The following UBE2E2 variants were observed in gnomAD, a reference collection of about 807,000 sequenced individuals.
UBE2E2 encodes the protein ubiquitin conjugating enzyme E2 E2.
A neutral mutation model predicts 24.7 loss-of-function variants in UBE2E2; 6 were observed. That is an observed-to-expected ratio of 0.24 (90% CI 0.13 to 0.48). The LOEUF is 0.48. Among genes scored for constraint, UBE2E2 ranks in the 20% least tolerant of loss-of-function variants. The pLI is 0.99. For synonymous variants in UBE2E2, 104 were observed against 83.6 expected (o/e 1.24, Z -1.33); for missense variants, 169 against 245.0 (o/e 0.69, Z 2.07).
intron 3 of UBE2E2, chr3:23,449,869 C>G: frequency 1.0e-6 from 1 of 985,440 alleles, no homozygotes; most frequent in Middle Eastern, 5.2e-4. Context: ...AACCCCAGCC[C>G]TATAATGGGG....
intron 3 of UBE2E2, among the ~76,000 whole-genome samples, chr3:23,354,882 T>C (rs1695893666): frequency 6.6e-6 from 1 of 152,202 alleles, no homozygotes; most frequent in African/African-American, 2.4e-5. Context: ...TTACTGGGTA[T>C]ATACCCAAAG....
chr3:23,508,765 A>C (rs1379036433), intron 4 of UBE2E2, among the ~76,000 whole-genome samples: 1 of 152,220 alleles, frequency 6.6e-6, no homozygotes, highest in East Asian at 1.9e-4. Context: ...GTTGGTTGAT[A>C]TTACTGTCAG....
At chr3:23,495,384 C>T (rs185790408) in intron 3 of UBE2E2, among the ~76,000 whole-genome samples, 1 of 152,274 alleles carries the variant, frequency 6.6e-6, no homozygotes, top group East Asian at 1.9e-4. Flanking sequence ...TTGGTAGTGA[C>T]TCCTTATTTA....
chr3:23,358,021 A>T (rs1696011254), intron 3 of UBE2E2, among the ~76,000 whole-genome samples: 1 of 152,014 alleles, frequency 6.6e-6, no homozygotes, highest in Non-Finnish European at 1.5e-5. Flanking sequence ...TTTTTTATAG[A>T]GATGGAATTT....
rs186296935 is a variant in UBE2E2, at chr3:23,285,867, T to C, written c.227+68555T>C. On this transcript the variant is annotated intron_variant, in intron 3 of 5. Coordinates refer to ENST00000396703, the MANE Select transcript of UBE2E2 (RefSeq NM_152653.4). ...CCCACCACCACATCTAGCTAATTTA[T>C]GTTATTTTTTAGTCAAGAGGGGTTT... Among the ~76,000 whole-genome samples the C allele has an allele frequency of 6.2e-4, 94 of 152,270 alleles. 1 individual carries two copies. The highest frequency in any genetic ancestry group is 2.2e-3 in the African/African-American group (92 of 41,558).
intron 3 of UBE2E2, among the ~76,000 whole-genome samples, chr3:23,271,604 G>A: frequency 6.6e-6 from 1 of 152,166 alleles, no homozygotes; most frequent in East Asian, 1.9e-4. Flanking sequence ...TTTTGACAGG[G>A]TGTTGATTGG....
At chr3:23,436,648 G>C (rs967232155) in intron 3 of UBE2E2, among the ~76,000 whole-genome samples, 2 of 151,374 alleles carry the variant, frequency 1.3e-5, no homozygotes, top group Non-Finnish European at 1.5e-5. Context: ...GCAAGATGCT[G>C]TCCCAAAAAA....
chr3:23,461,577 A>G (rs1182726335), intron 3 of UBE2E2, among the ~76,000 whole-genome samples: 2 of 151,994 alleles, frequency 1.3e-5, no homozygotes, highest in Non-Finnish European at 2.9e-5. Context: ...TCTCCCAGCA[A>G]TTTTCTATTT....
chr3:23,260,958 C>CT (rs1697884188), intron 3 of UBE2E2, among the ~76,000 whole-genome samples: 1 of 152,052 alleles, frequency 6.6e-6, no homozygotes, highest in East Asian at 1.9e-4. Flanking sequence ...CAAAAATTAC[C>CT]TGGGCGTGGT....
At chr3:23,523,855 G>A (rs1272664972) in intron 4 of UBE2E2, among the ~76,000 whole-genome samples, 1 of 148,976 alleles carries the variant, frequency 6.7e-6, no homozygotes, top group East Asian at 2.0e-4. Flanking sequence ...CTAACAACCT[G>A]TTTAAATAAA....
intron 3 of UBE2E2, among the ~76,000 whole-genome samples, chr3:23,333,167 A>C (rs890782457): frequency 8.5e-5 from 13 of 152,118 alleles, no homozygotes; most frequent in African/African-American, 3.1e-4. Flanking sequence ...GTGGTTTTCA[A>C]ACTGTGTTCC....
chr3:23,485,649 T>G (rs1699352013), intron 3 of UBE2E2, among the ~76,000 whole-genome samples: 1 of 152,198 alleles, frequency 6.6e-6, no homozygotes, highest in African/African-American at 2.4e-5. Flanking sequence ...TGTGGGAACT[T>G]TGGCCTGGCG....
intron 5 of UBE2E2, among the ~76,000 whole-genome samples, chr3:23,557,467 C>T (rs533930357): frequency 1.0e-3 from 159 of 152,292 alleles, no homozygotes; most frequent in Non-Finnish European, 2.0e-3. Context: ...GATGCCATTC[C>T]ATCGCAGGAC....
intron 5 of UBE2E2, among the ~76,000 whole-genome samples, chr3:23,550,442 A>G (rs2125498232): frequency 6.6e-6 from 1 of 152,314 alleles, no homozygotes; most frequent in Non-Finnish European, 1.5e-5. Flanking sequence ...TCTCAGGCAT[A>G]AGAGACAACT....
At chr3:23,530,608 A>G (rs1316271826) in intron 4 of UBE2E2, among the ~76,000 whole-genome samples, 1 of 152,204 alleles carries the variant, frequency 6.6e-6, no homozygotes, top group Non-Finnish European at 1.5e-5. Context: ...ATTCTCAGGA[A>G]AAACATTTCT....
At position 23,548,709 on chromosome 3, in the gene UBE2E2, T is replaced by C. The variant is rs73821856; in HGVS notation, c.508+16008T>C. Among the ~76,000 whole-genome samples, 1,011 of 152,342 alleles carry C rather than the reference T, an allele frequency of 6.6e-3. 12 individuals are homozygous for C. Among genetic ancestry groups the C allele is most frequent in the African/African-American group, 0.023 (970 of 41,580 alleles). ...TTCACGTGCTGCTCTCCTCCTTAACTTCATTTAACCTTGCTTGCACTCAGT... is the reference window on the plus strand; with the variant it reads ...TTCACGTGCTGCTCTCCTCCTTAACCTCATTTAACCTTGCTTGCACTCAGT... On this transcript the variant is annotated intron_variant, in intron 5 of 5. Transcript: ENST00000396703.
chr3:23,303,717 G>A (rs775997174), intron 3 of UBE2E2, among the ~76,000 whole-genome samples: 13 of 152,070 alleles, frequency 8.5e-5, no homozygotes, highest in African/African-American at 1.4e-4. Context: ...TCCATACAGC[G>A]TACTTGGAAT....
At chr3:23,578,778 G>C (rs529800914) in intron 5 of UBE2E2, among the ~76,000 whole-genome samples, 7 of 152,158 alleles carry the variant, frequency 4.6e-5, no homozygotes, top group Admixed American at 2.0e-4. Flanking sequence ...CCTGTCAGAG[G>C]GGGCAGGGAA....
intron 5 of UBE2E2, among the ~76,000 whole-genome samples, chr3:23,560,216 C>G (rs1157027522): frequency 7.7e-6 from 1 of 129,278 alleles, no homozygotes; most frequent in Admixed American, 7.9e-5. Flanking sequence ...CCCCCTCCCC[C>G]TCCCCCCACC....
Sources: allele counts gnomAD v4.1 joint callset (sites outside exome capture counted in the v4.1 genomes callset), GRCh38; gene constraint gnomAD v4.1.1; transcripts MANE v1.5; gene names NCBI Gene and HGNC (gene_info 2026-07-23, HGNC 2026-07-21).